The following ZDHHC14 variants were observed in gnomAD, a reference collection of about 807,000 sequenced individuals.
ZDHHC14 encodes the protein palmitoyltransferase ZDHHC14.
In ZDHHC14, 16 loss-of-function variants were observed where a neutral mutation model predicts 47.7. The ratio of observed to expected loss-of-function variants is 0.34; its 90% CI spans 0.23 to 0.51. ZDHHC14 has a LOEUF of 0.51. ZDHHC14 is among the 20% of genes least tolerant of loss of function. The pLI is 0.97. For synonymous variants in ZDHHC14, 293 were observed against 278.9 expected (o/e 1.05, Z -0.50); for missense variants, 515 against 662.5 (o/e 0.78, Z 2.44).
intron 1 of ZDHHC14, among the ~76,000 whole-genome samples, chr6:157,444,298 G>A (rs1778616551): frequency 6.6e-6 from 1 of 152,166 alleles, no homozygotes; most frequent in Non-Finnish European, 1.5e-5. Context: ...TGATTGGATG[G>A]GCTGTTTGGT....
At chr6:157,602,756 A>G (rs1262013366) in intron 3 of ZDHHC14, among the ~76,000 whole-genome samples, 2 of 152,198 alleles carry the variant, frequency 1.3e-5, no homozygotes, top group Non-Finnish European at 2.9e-5. Context: ...TTCACCCGCC[A>G]TGAGGATGCT....
chr6:157,553,652 G>A (rs1308324487), intron 2 of ZDHHC14, among the ~76,000 whole-genome samples: 1 of 151,860 alleles, frequency 6.6e-6, no homozygotes. Context: ...AGGGCTGGGG[G>A]GAAATACAGC....
chr6:157,524,391 C>A (rs1781081717), intron 1 of ZDHHC14, among the ~76,000 whole-genome samples: 1 of 152,000 alleles, frequency 6.6e-6, no homozygotes, highest in Non-Finnish European at 1.5e-5. Flanking sequence ...GCCTCGGCCT[C>A]CCAAAGTGCT....
intron 2 of ZDHHC14, among the ~76,000 whole-genome samples, chr6:157,545,834 G>A (rs906293706): frequency 5.9e-5 from 9 of 152,084 alleles, no homozygotes; most frequent in African/African-American, 7.2e-5. Context: ...TTAGGTGAGC[G>A]GTGCAGTTTT....
At chr6:157,536,920 G>A (rs1437503800) in intron 1 of ZDHHC14, among the ~76,000 whole-genome samples, 3 of 56,176 alleles carry the variant, frequency 5.3e-5, no homozygotes, top group African/African-American at 1.2e-4. Flanking sequence ...CCGGGTTCAC[G>A]CCATTCTCCT....
chr6:157,506,981 C>A (rs1374465114), intron 1 of ZDHHC14, among the ~76,000 whole-genome samples: 1 of 151,654 alleles, frequency 6.6e-6, no homozygotes, highest in South Asian at 2.1e-4. Flanking sequence ...AGACTTATAA[C>A]CAAAACCAGC....
At chr6:157,585,413 CA>C (rs111505965) in intron 2 of ZDHHC14, among the ~76,000 whole-genome samples, 27,435 of 98,752 alleles carry the variant, frequency 0.28, 3,111 homozygotes, top group African/African-American at 0.4. Flanking sequence ...ACCAAAAATA[CA>C]AAAAAAAAAA....
Position 157,401,584 on chromosome 6 carries a change from G to A in ZDHHC14, c.245+19318G>A, listed in dbSNP as rs185976149. ...AGGTCTCACTGCAGTAGTGAGATGC[G>A]CACCTGCTGAGGTCTCACTGCAGTA... On this transcript the variant is annotated intron_variant, in intron 1 of 8. Coordinates refer to ENST00000359775, the MANE Select transcript of ZDHHC14 (RefSeq NM_024630.3). Among the ~76,000 whole-genome samples, 4 of 148,916 alleles carry A rather than the reference G, an allele frequency of 2.7e-5. No individual in the cohort carries two copies. The East Asian group carries it at 6.4e-4, about 24-fold the overall frequency.
chr6:157,400,743 C>T (rs1428406089), intron 1 of ZDHHC14, among the ~76,000 whole-genome samples: 7 of 152,218 alleles, frequency 4.6e-5, no homozygotes, highest in Non-Finnish European at 1.0e-4. Flanking sequence ...AGCCACGAAC[C>T]TATGAAATGC....
At chr6:157,620,295 C>T (rs895236798) in intron 3 of ZDHHC14, among the ~76,000 whole-genome samples, 1 of 152,110 alleles carries the variant, frequency 6.6e-6, no homozygotes, top group African/African-American at 2.4e-5. Flanking sequence ...CTCAGGTCTC[C>T]CTTCCTCCTC....
intron 2 of ZDHHC14, among the ~76,000 whole-genome samples, chr6:157,555,569 T>C (rs1582933450): frequency 6.6e-6 from 1 of 152,222 alleles, no homozygotes. Context: ...TTAGGCATGG[T>C]ATTGTCTTAG....
intron 1 of ZDHHC14, among the ~76,000 whole-genome samples, chr6:157,399,201 C>G (rs1777581889): frequency 1.7e-5 from 1 of 59,274 alleles, no homozygotes; most frequent in South Asian, 5.1e-4. Flanking sequence ...AAATGTTTCA[C>G]TCTTCTTTTG....
intron 1 of ZDHHC14, among the ~76,000 whole-genome samples, chr6:157,405,630 T>TA (rs1777740682): frequency 6.6e-6 from 1 of 152,152 alleles, no homozygotes; most frequent in Non-Finnish European, 1.5e-5. Flanking sequence ...ATAATAATGG[T>TA]AATGATGATG....
At chr6:157,621,473 C>T (rs1203116547) in intron 3 of ZDHHC14, among the ~76,000 whole-genome samples, 1 of 152,176 alleles carries the variant, frequency 6.6e-6, no homozygotes, top group South Asian at 2.1e-4. Context: ...CTATTTTCCA[C>T]CAGATTCTCA....
intron 1 of ZDHHC14, among the ~76,000 whole-genome samples, chr6:157,426,161 G>A (rs1321225632): frequency 2.6e-5 from 4 of 152,126 alleles, no homozygotes; most frequent in Admixed American, 6.5e-5. Flanking sequence ...AGAGCCTCCC[G>A]CAAGGTGGTG....
At chr6:157,583,265 T>C (rs535423565) in intron 2 of ZDHHC14, among the ~76,000 whole-genome samples, 1 of 152,110 alleles carries the variant, frequency 6.6e-6, no homozygotes, top group Non-Finnish European at 1.5e-5. Context: ...GGGGAACTAA[T>C]GCAATTGTTT....
At position 157,677,566 on chromosome 6, in the gene ZDHHC14, A is replaced by G. The variant is rs957013779; in HGVS notation, c.*4444A>G. The G allele has an allele frequency of 6.6e-6, 1 of 152,234 alleles. No individual in the cohort carries two copies. Among genetic ancestry groups the G allele is most frequent in the Non-Finnish European group, 1.5e-5 (1 of 68,046 alleles). 9.4% of individuals were successfully genotyped at this position (152,234 alleles called of 1,614,324 possible). On this transcript the variant is annotated 3_prime_UTR_variant, in exon 9 of 9. Transcript: ENST00000359775. ...GCAGCTGCCACAAAACTAGATAAAT[A>G]GCCACAACTGGAGTTATTTTTTGAT... is the stretch of plus-strand genomic sequence containing the variant.
intron 3 of ZDHHC14, among the ~76,000 whole-genome samples, chr6:157,610,171 GC>G (rs1784698109): frequency 1.3e-5 from 2 of 152,194 alleles, no homozygotes; most frequent in Non-Finnish European, 2.9e-5. Context: ...TGGGCTGGGC[GC>G]AGTGGCTCAC....
chr6:157,665,556 C>T lies in ZDHHC14; in HGVS notation c.1069-7168C>T, dbSNP rs559491109. Among the ~76,000 whole-genome samples the T allele has an allele frequency of 3.3e-5, 5 of 152,252 alleles. No individual in the cohort carries two copies. In the South Asian group the frequency reaches 1.0e-3, roughly 32 times the overall value. On this transcript the variant is annotated intron_variant, in intron 8 of 8. Coordinates refer to ENST00000359775, the MANE Select transcript of ZDHHC14 (RefSeq NM_024630.3). ...CAGTATCCGGATAAGAAAGGTATTT[C>T]TTGAATGATAGAAGACGTGCTCCTA...
Sources: allele counts gnomAD v4.1 joint callset (sites outside exome capture counted in the v4.1 genomes callset), GRCh38; gene constraint gnomAD v4.1.1; transcripts MANE v1.5; gene names NCBI Gene and HGNC (gene_info 2026-07-23, HGNC 2026-07-21).